RTF1: variants seen among roughly 807,000 people sequenced by gnomAD.
RTF1 encodes RNA polymerase-associated protein RTF1 homolog.
RTF1 carries 10 observed loss-of-function variants against 95.7 expected under a neutral mutation model. The ratio of observed to expected loss-of-function variants is 0.10; its 90% CI spans 0.06 to 0.18. The LOEUF (loss-of-function observed/expected upper bound fraction) is 0.18. RTF1 is among the 10% of genes least tolerant of loss of function. RTF1 has a pLI of 1.00. For synonymous variants in RTF1, 305 were observed against 311.8 expected (o/e 0.98, Z 0.23); for missense variants, 458 against 875.6 (o/e 0.52, Z 6.02).
At chr15:41,430,683 G>T (rs1298926470) in intron 1 of RTF1, among the ~76,000 whole-genome samples, 4 of 151,746 alleles carry the variant, frequency 2.6e-5, no homozygotes, top group Non-Finnish European at 5.9e-5. Flanking sequence ...AAAGGCTGCA[G>T]TGAGCCAAGA....
chr15:41,452,846 T>C (rs1232221018), intron 2 of RTF1, 55 bp from the exon 3 acceptor site: 1 of 1,331,262 alleles, frequency 7.5e-7, no homozygotes, highest in Non-Finnish European at 1.0e-6. Context: ...TTCCAGCTTT[T>C]CCCAATAAAG....
chr15:41,434,817 C>CG (rs1181716566), intron 1 of RTF1, among the ~76,000 whole-genome samples: 1 of 151,614 alleles, frequency 6.6e-6, no homozygotes, highest in Non-Finnish European at 1.5e-5. Context: ...TTAGTAGAGA[C>CG]GGAGTTTCAC....
At chr15:41,429,985 A>T in intron 1 of RTF1, among the ~76,000 whole-genome samples, 1 of 140,626 alleles carries the variant, frequency 7.1e-6, no homozygotes, top group African/African-American at 2.6e-5. Context: ...TTTTAATTTA[A>T]TTTAATTTAT....
chr15:41,435,133 C>T (rs2050695386), intron 1 of RTF1, among the ~76,000 whole-genome samples: 1 of 151,988 alleles, frequency 6.6e-6, no homozygotes, highest in African/African-American at 2.4e-5. Context: ...TGATTAATAG[C>T]AAATCCAAAT....
At chr15:41,438,531 G>A in intron 2 of RTF1, 100 bp downstream of exon 2, 1 of 687,772 alleles carries the variant, frequency 1.5e-6, no homozygotes, top group African/African-American at 1.8e-5. Context: ...GAGACTTACA[G>A]CCTAAGATCT....
chr15:41,453,167 C>A, intron 3 of RTF1, 119 bp downstream of exon 3: 1 of 755,044 alleles, frequency 1.3e-6, no homozygotes, highest in South Asian at 3.4e-5. Flanking sequence ...TTCTTTAGAG[C>A]AGTGGTTCTT....
intron 1 of RTF1, among the ~76,000 whole-genome samples, chr15:41,434,144 CTTTTT>C (rs58239721): frequency 7.3e-6 from 1 of 136,214 alleles, no homozygotes; most frequent in Admixed American, 7.4e-5. Context: ...CACGCCTGGC[CTTTTT>C]TTTTTTTTTT....
At chr15:41,477,723 C>G in intron 14 of RTF1, 2 of 582,040 alleles carry the variant, frequency 3.4e-6, no homozygotes, top group Non-Finnish European at 6.1e-6. Flanking sequence ...CTCTTCCCAC[C>G]CTTAGATTCT....
chr15:41,458,340 A>C (rs1013583711), intron 4 of RTF1, among the ~76,000 whole-genome samples: 6 of 152,194 alleles, frequency 3.9e-5, no homozygotes, highest in African/African-American at 1.4e-4. Context: ...AACTTGCCCA[A>C]GGTGATTTAG....
In RTF1 at chr15:41,442,747, G is replaced by A. The variant is rs189222343; in HGVS notation, c.309+4316G>A. Among the ~76,000 whole-genome samples the A allele has an allele frequency of 3.2e-4, 48 of 152,104 alleles. 1 individual carries two copies. The highest frequency in any genetic ancestry group is 1.1e-3 in the African/African-American group (45 of 41,524). ...CTAAAAATGCAAAAATTAGCCAGGC[G>A]TAGTAGTGGGCACCTGTAGTCCTAG... On this transcript the variant is annotated intron_variant, in intron 2 of 17. Transcript: ENST00000389629.
intron 14 of RTF1, among the ~76,000 whole-genome samples, chr15:41,478,134 C>G (rs1002758703): frequency 5.3e-5 from 8 of 151,488 alleles, no homozygotes; most frequent in African/African-American, 1.9e-4. Flanking sequence ...GGCATGGTGG[C>G]TCACGCCTGT....
chr15:41,421,504 GC>G (rs1242344801), intron 1 of RTF1, among the ~76,000 whole-genome samples: 1 of 151,686 alleles, frequency 6.6e-6, no homozygotes, highest in East Asian at 1.9e-4. Context: ...ATGGTGGCGT[GC>G]CTCTAGTCTC....
intron 6 of RTF1, 54 bp from the exon 7 acceptor site, chr15:41,470,203 G>T (rs1474354808): frequency 6.3e-7 from 1 of 1,581,270 alleles, no homozygotes; most frequent in Admixed American, 1.8e-5. Flanking sequence ...TTTCAAGGAT[G>T]AATTCATTTT....
intron 1 of RTF1, among the ~76,000 whole-genome samples, chr15:41,436,005 C>T (rs951728230): frequency 6.6e-6 from 1 of 152,118 alleles, no homozygotes; most frequent in African/African-American, 2.4e-5. Context: ...GGGTAAGTTA[C>T]TTAAACTCCT....
chr15:41,465,845 G>A (rs967172863), intron 5 of RTF1, among the ~76,000 whole-genome samples: 9 of 152,138 alleles, frequency 5.9e-5, no homozygotes, highest in African/African-American at 1.9e-4. Context: ...GATAATGTGG[G>A]GCTGAGTGTA....
chr15:41,463,184 T>C (rs373352645), intron 4 of RTF1, among the ~76,000 whole-genome samples: 1 of 152,258 alleles, frequency 6.6e-6, no homozygotes, highest in East Asian at 1.9e-4. Context: ...CTGAGTAATA[T>C]TCCATTTTAT....
chr15:41,432,166 TTGA>T (rs2050678291), intron 1 of RTF1, among the ~76,000 whole-genome samples: 1 of 151,780 alleles, frequency 6.6e-6, no homozygotes, highest in Admixed American at 6.6e-5. Flanking sequence ...CAGTTGTTTG[TTGA>T]TGAAGGAGAG....
chr15:41,464,275 G>A (rs552384224), intron 4 of RTF1, among the ~76,000 whole-genome samples: 16 of 147,794 alleles, frequency 1.1e-4, no homozygotes, highest in Admixed American at 2.7e-4. Flanking sequence ...TTTTTGAAAC[G>A]GATTCTTGCT....
chr15:41,460,818 C>T (rs1280622420), intron 4 of RTF1, among the ~76,000 whole-genome samples: 1 of 151,836 alleles, frequency 6.6e-6, no homozygotes, highest in Non-Finnish European at 1.5e-5. Flanking sequence ...CTCAGCCTCC[C>T]AAGTAGCTGG....
Sources: allele counts gnomAD v4.1 joint callset (sites outside exome capture counted in the v4.1 genomes callset), GRCh38; gene constraint gnomAD v4.1.1; transcripts MANE v1.5; gene names NCBI Gene and HGNC (gene_info 2026-07-23, HGNC 2026-07-21).